PKN2: variants seen among roughly 807,000 people sequenced by gnomAD.
PKN2 encodes protein kinase N2, also known as serine/threonine-protein kinase N2.
PKN2 carries 38 observed loss-of-function variants against 119.1 expected under a neutral mutation model. The observed-to-expected ratio is 0.32, with a 90% CI of 0.25 to 0.42. The LOEUF is 0.42. PKN2 is among the 10% of genes least tolerant of loss of function. PKN2 has a pLI of 1.00. For missense variants in PKN2, 850 were observed against 1,165.1 expected, an observed-to-expected ratio of 0.73 and a Z score of 3.94; for synonymous variants, 390 against 384.9, an observed-to-expected ratio of 1.01 and a Z score of -0.15.
chr1:88,780,588 C>G (rs1670294599), intron 6 of PKN2, among the ~76,000 whole-genome samples: 1 of 152,096 alleles, frequency 6.6e-6, no homozygotes, highest in Non-Finnish European at 1.5e-5. Flanking sequence ...GAATATAGAC[C>G]TGTAAAGAGC....
At chr1:88,754,341 A>C (rs1298278055) in intron 2 of PKN2, among the ~76,000 whole-genome samples, 1 of 152,108 alleles carries the variant, frequency 6.6e-6, no homozygotes, top group African/African-American at 2.4e-5. Context: ...GTCTGCTATT[A>C]AACTCAGTCT....
intron 1 of PKN2, among the ~76,000 whole-genome samples, chr1:88,722,472 G>A (rs1435608007): frequency 6.6e-6 from 1 of 152,048 alleles, no homozygotes; most frequent in Non-Finnish European, 1.5e-5. Flanking sequence ...ATTGGATTTG[G>A]ATATGAGGGA....
chr1:88,757,793 A>G (rs1172911376), intron 2 of PKN2, among the ~76,000 whole-genome samples: 1 of 152,154 alleles, frequency 6.6e-6, no homozygotes, highest in Non-Finnish European at 1.5e-5. Flanking sequence ...CTGTAATCCC[A>G]GCACTTTGGG....
chr1:88,792,072 TA>T (rs1670863905), intron 8 of PKN2, among the ~76,000 whole-genome samples: 1 of 152,254 alleles, frequency 6.6e-6, no homozygotes, highest in Non-Finnish European at 1.5e-5. Flanking sequence ...TTATCTTTTT[TA>T]CCCCTCCTTT....
At chr1:88,746,728 T>C (rs918176319) in intron 2 of PKN2, among the ~76,000 whole-genome samples, 1 of 152,102 alleles carries the variant, frequency 6.6e-6, no homozygotes, top group Non-Finnish European at 1.5e-5. Flanking sequence ...AATAGGATTA[T>C]TTTACAATCC....
chr1:88,688,356 A>G, intron 1 of PKN2, among the ~76,000 whole-genome samples: 1 of 152,158 alleles, frequency 6.6e-6, no homozygotes, highest in East Asian at 1.9e-4. Context: ...AAGTGCTGGG[A>G]TTACAGGTGT....
chr1:88,729,272 A>C (rs1668032410), intron 1 of PKN2, among the ~76,000 whole-genome samples: 1 of 152,244 alleles, frequency 6.6e-6, no homozygotes, highest in Non-Finnish European at 1.5e-5. Flanking sequence ...TAATAATTGT[A>C]TTTGAAAAGA....
chr1:88,819,990 C>T (rs1366115751), intron 16 of PKN2, among the ~76,000 whole-genome samples: 1 of 151,248 alleles, frequency 6.6e-6, no homozygotes, highest in Non-Finnish European at 1.5e-5. Flanking sequence ...ACATCACACA[C>T]CGGGGGTCGG....
chr1:88,742,840 G>T (rs1479681244), intron 2 of PKN2, among the ~76,000 whole-genome samples: 1 of 152,100 alleles, frequency 6.6e-6, no homozygotes, highest in Admixed American at 6.5e-5. Context: ...CTGGGATATA[G>T]AAGAGTTTTA....
At chr1:88,709,076 CAGAG>C (rs1667119378) in intron 1 of PKN2, among the ~76,000 whole-genome samples, 1 of 150,470 alleles carries the variant, frequency 6.6e-6, no homozygotes. Context: ...TTTTTTGAGA[CAGAG>C]TTTTGTTCTG....
At chr1:88,814,112 A>C (rs1468502343) in intron 16 of PKN2, among the ~76,000 whole-genome samples, 1 of 152,146 alleles carries the variant, frequency 6.6e-6, no homozygotes, top group Non-Finnish European at 1.5e-5. Context: ...AGTCTGTATC[A>C]TATATTTATA....
At chr1:88,832,696 T>G (rs1249137503) in intron 19 of PKN2, 48 bp from the exon 20 acceptor site, 2 of 1,062,334 alleles carry the variant, frequency 1.9e-6, no homozygotes, top group Non-Finnish European at 2.8e-6. Context: ...TGATAAGATT[T>G]TACTGCCTTA....
At chr1:88,744,054 C>A (rs1668675436) in intron 2 of PKN2, among the ~76,000 whole-genome samples, 1 of 151,924 alleles carries the variant, frequency 6.6e-6, no homozygotes, top group Non-Finnish European at 1.5e-5. Context: ...GGTAATAAGT[C>A]ATTTTCTCTT....
chr1:88,749,467 T>C (rs1668901886), intron 2 of PKN2, among the ~76,000 whole-genome samples: 2 of 152,208 alleles, frequency 1.3e-5, no homozygotes, highest in Admixed American at 6.5e-5. Context: ...CTGTAACATA[T>C]TAAGAAAGCT....
intron 18 of PKN2, among the ~76,000 whole-genome samples, chr1:88,825,736 C>A (rs1265325951): frequency 6.6e-6 from 1 of 152,120 alleles, no homozygotes; most frequent in African/African-American, 2.4e-5. Context: ...CATGTAATTG[C>A]TGAATTGCTT....
At chr1:88,762,227 T>G (rs1045837837) in intron 3 of PKN2, among the ~76,000 whole-genome samples, 6 of 152,208 alleles carry the variant, frequency 3.9e-5, no homozygotes, top group African/African-American at 1.4e-4. Context: ...GTAAAACAAA[T>G]AGATAACCTA....
intron 1 of PKN2, among the ~76,000 whole-genome samples, chr1:88,687,250 G>T (rs1015404287): frequency 1.2e-4 from 18 of 152,188 alleles, no homozygotes; most frequent in Admixed American, 7.8e-4. Flanking sequence ...AGTAATTCAG[G>T]AGGCTTATTC....
chr1:88,786,045 A>T, intron 7 of PKN2, 59 bp from the exon 8 acceptor site: 1 of 958,426 alleles, frequency 1.0e-6, no homozygotes, highest in Non-Finnish European at 1.7e-6. Context: ...AAACAGCAGT[A>T]CTTCTGTTTT....
At chr1:88,768,234 C>T (rs1669744547) in intron 3 of PKN2, among the ~76,000 whole-genome samples, 1 of 152,150 alleles carries the variant, frequency 6.6e-6, no homozygotes, top group South Asian at 2.1e-4. Context: ...CAAATTATCA[C>T]AAATTTAGTG....
Sources: gnomAD v4.1 joint callset for allele counts (sites outside exome capture counted in the v4.1 genomes callset) on GRCh38, gnomAD v4.1.1 for gene constraint, MANE v1.5 for transcripts, NCBI Gene and HGNC (gene_info 2026-07-23, HGNC 2026-07-21) for gene names.